The following BICDL2 variants were observed in gnomAD, a reference collection of about 807,000 sequenced individuals.
BICDL2 encodes the protein BICD family like cargo adaptor 2, also known as BICD family-like cargo adapter 2.
In BICDL2, 62 loss-of-function variants were observed where a neutral mutation model predicts 56.6. That is an observed-to-expected ratio of 1.10 (90% CI 0.89 to 1.35). The LOEUF (loss-of-function observed/expected upper bound fraction) is 1.35, where lower values mean the gene tolerates loss of function less well. BICDL2 is among the 40% of genes most tolerant of loss of function. BICDL2 has a pLI of 0.00. For synonymous variants in BICDL2, 358 were observed against 319.8 expected (o/e 1.12, Z -1.27); for missense variants, 808 against 684.5 (o/e 1.18, Z -2.01).
In BICDL2 at chr16:3,027,709, CTTTTT is replaced by C. The variant is rs56382043; in HGVS notation, c.*392_*396del. On this transcript the variant is annotated 3_prime_UTR_variant, in exon 10 of 10. Transcript: ENST00000572449. ...AGGGTTTTAGAGTGTTTTTCATTTT[CTTTTT>C]TTTTTTTTTTTTACAATAAAGTTTC... 552 of 1,348,906 alleles carry C rather than the reference CTTTTT, an allele frequency of 4.1e-4. No homozygotes were observed. The highest frequency in any genetic ancestry group is 7.4e-4 in the Admixed American group (29 of 39,400). 83.6% of individuals were successfully genotyped at this position (1,348,906 alleles called of 1,614,324 possible). A position where few individuals can be genotyped will look rare whatever the true frequency, so the allele number is the denominator to read the frequency against.
intron 2 of BICDL2, chr16:3,032,246 C>T (rs1183504827): frequency 6.6e-6 from 1 of 152,284 alleles, no homozygotes; most frequent in Non-Finnish European, 1.5e-5. Context: ...CACACAATAA[C>T]TTCACAAAGC....
At position 3,029,539 on chromosome 16, in the gene BICDL2, G is replaced by T; in HGVS notation, c.957+6C>A. 1 of 1,553,164 alleles carries T rather than the reference G, an allele frequency of 6.4e-7. No homozygotes were observed. On this transcript the variant is annotated splice_donor_region_variant and intron_variant, in intron 6 of 9. Transcript: ENST00000572449. ...AGGTAAGGGGGCTGGGGCCCCACGA[G>T]CTCACCGGGGTGTCTCCGGGTGCGT...
chr16:3,033,779 C>A (rs1955688925), intron 2 of BICDL2, among the ~76,000 whole-genome samples: 1 of 145,220 alleles, frequency 6.9e-6, no homozygotes, highest in Non-Finnish European at 1.5e-5. Flanking sequence ...AGAGGGAGAC[C>A]CTGTCTCCAA....
In BICDL2 at chr16:3,027,777, G is replaced by T. The variant is rs1838026607; in HGVS notation, c.*329C>A. 1.8e-6 allele frequency: 2 copies of T among 1,128,858 alleles called. No homozygotes were observed. The highest frequency in any genetic ancestry group is 2.8e-5 in the Admixed American group (1 of 35,970). 69.9% of individuals were successfully genotyped at this position (1,128,858 alleles called of 1,614,324 possible). ...CATGCTCTTTCTTTCTATGAATGGG[G>T]GCCAAATCGGTGGAGTGATTTATAT... is the stretch of plus-strand genomic sequence containing the variant. On this transcript the variant is annotated 3_prime_UTR_variant, in exon 10 of 10. Transcript: ENST00000572449.
At chr16:3,028,881 T>G in intron 7 of BICDL2, 51 bp from the exon 8 acceptor site, 5 of 1,508,024 alleles carry the variant, frequency 3.3e-6, no homozygotes, top group Non-Finnish European at 4.4e-6. Flanking sequence ...TGGGCCTCCC[T>G]GCTTCTCCCA....
chr16:3,033,419 C>T (rs761962791), intron 2 of BICDL2, among the ~76,000 whole-genome samples: 10 of 152,088 alleles, frequency 6.6e-5, no homozygotes, highest in Non-Finnish European at 5.9e-5. Context: ...GCTGCAGAGC[C>T]GACCAGTGGG....
At position 3,029,266 on chromosome 16, in the gene BICDL2, GC is replaced by G. The variant is rs1357985136; in HGVS notation, c.1107+13del. 5 of 1,607,864 alleles carry G rather than the reference GC, an allele frequency of 3.1e-6. No individual in the cohort carries two copies. The highest frequency in any genetic ancestry group is 1.3e-5 in the African/African-American group (1 of 74,826). ...GGAGGGGCCGTGCATCCAGCACCGT[GC>G]CCTCTGCCCCACCTCATCTTGCAGC... On this transcript the variant is annotated intron_variant, in intron 7 of 9. Coordinates refer to ENST00000572449, the MANE Select transcript of BICDL2 (RefSeq NM_001369667.1).
Position 3,028,672 on chromosome 16 carries a change from GGGCGGTGGTCAAT to G in BICDL2, c.1238+15_1238+27del. On this transcript the variant is annotated intron_variant, in intron 8 of 9. Transcript: ENST00000572449. ...GCCCAGGAGGGCCCAGAGGGCGCTG[GGGCGGTGGTCAAT>G]GGCTTGAGGCTTACTTGTTCACGGC... 3 of 1,561,056 alleles carry G rather than the reference GGGCGGTGGTCAAT, an allele frequency of 1.9e-6. No homozygotes were observed. The highest frequency in any genetic ancestry group is 2.6e-6 in the Non-Finnish European group (3 of 1,151,724).
Position 3,035,268 on chromosome 16 carries a change from C to T in BICDL2, c.229G>A (p.Glu77Lys). The change falls in exon 2 of 10, where the codon GAG becomes AAG. Residue 77 changes from glutamate to lysine, a missense_variant. Physicochemically the swap from Glu to Lys is moderately conservative, Grantham distance 56. Coordinates refer to ENST00000572449, the MANE Select transcript of BICDL2 (RefSeq NM_001369667.1). ...AGCGTCTCCAGCTGCCGCCGCAGCT[C>T]TTCATTTCGCTCCAGAAGCATCTTG... is the stretch of plus-strand genomic sequence containing the variant. ...LGKMLLERNE[E>K]LRRQLETLSA... The T allele has an allele frequency of 6.4e-7, 1 of 1,551,168 alleles. No homozygotes were observed. Among genetic ancestry groups the T allele is most frequent in the Non-Finnish European group, 8.7e-7 (1 of 1,147,412 alleles).
Position 3,029,281 on chromosome 16 carries a change from TC to T in BICDL2, c.1105del (p.Glu369ArgfsTer43), listed in dbSNP as rs1258137897. 6.2e-7 allele frequency: 1 copy of T among 1,610,582 alleles called. No individual in the cohort carries two copies. The highest frequency in any genetic ancestry group is 1.7e-5 in the Admixed American group (1 of 59,744). On this transcript the variant is annotated frameshift_variant and splice_region_variant, in exon 7 of 10. Transcript: ENST00000572449. LOFTEE classifies it high-confidence loss of function. The part of the protein sequence containing the change: ...KEVEVAKLQD[E>X]ISLQQAELQS... ...CCAGCACCGTGCCCTCTGCCCCACCTCATCTTGCAGCTTGGCCACTTCCACC... is the reference window on the plus strand; with the variant it reads ...CCAGCACCGTGCCCTCTGCCCCACCTATCTTGCAGCTTGGCCACTTCCACC...
At chr16:3,029,965 C>T (rs1445686743) in intron 5 of BICDL2, 3 of 537,394 alleles carry the variant, frequency 5.6e-6, no homozygotes, top group Non-Finnish European at 9.7e-6. Flanking sequence ...AGAGCCCCAT[C>T]TCCTCCCCTG....
intron 8 of BICDL2, 88 bp downstream of exon 8, chr16:3,028,612 G>A (rs1440653560): frequency 3.4e-6 from 5 of 1,477,448 alleles, no homozygotes; most frequent in Middle Eastern, 1.7e-4. Context: ...TGGGAGTGGG[G>A]ATCATTATAA....
Position 3,030,436 on chromosome 16 carries a change from C to A in BICDL2, c.762+13G>T. On this transcript the variant is annotated intron_variant, in intron 5 of 9. Transcript: ENST00000572449. ...GGTCCAGGCAGTTGTAGTCCCCCAG[C>A]CCTGCAGGTCACCTCCAGGCTGTGC... 2 of 1,597,104 alleles carry A rather than the reference C, an allele frequency of 1.3e-6. No homozygotes were observed. The highest frequency in any genetic ancestry group is 1.7e-6 in the Non-Finnish European group (2 of 1,177,710).
At chr16:3,035,176 T>TTGGGCCGGGGGGGGGGGGGGGGGG in intron 2 of BICDL2, 39 bp downstream of exon 2, 2 of 136,274 alleles carry the variant, frequency 1.5e-5, no homozygotes, top group Non-Finnish European at 2.7e-5. Flanking sequence ...CGTCCTCCCC[T>TTGGGCCGGGGGGGGGGGGGGGGGG]GCCCACCCAC....
At chr16:3,035,096 C>T (rs1955711418) in intron 2 of BICDL2, 119 bp downstream of exon 2, 4 of 1,078,818 alleles carry the variant, frequency 3.7e-6, no homozygotes, top group African/African-American at 1.6e-5. Flanking sequence ...CCCCCTCGCC[C>T]GGCTGTCCTC....
At chr16:3,035,673 G>C (rs1388000069) in intron 1 of BICDL2, 147 bp from the exon 2 acceptor site, 29 of 682,290 alleles carry the variant, frequency 4.3e-5, no homozygotes, top group Non-Finnish European at 1.2e-5. Context: ...CTGTGTTTTG[G>C]CTACCCAGTT....
At position 3,031,114 on chromosome 16, in the gene BICDL2, G is replaced by A. The variant is rs1396859438; in HGVS notation, c.319C>T (p.Leu107=). 3.9e-6 allele frequency: 6 copies of A among 1,535,830 alleles called. No homozygotes were observed. Among genetic ancestry groups the A allele is most frequent in the Non-Finnish European group, 5.2e-6 (6 of 1,146,530 alleles). ...TCCCACTCGGCTCCTCGGGCTGCCAGGCCTCGCCGGAGCTCATGGTTCTCC... is the reference window on the plus strand; with the variant it reads ...TCCCACTCGGCTCCTCGGGCTGCCAAGCCTCGCCGGAGCTCATGGTTCTCC... The part of the protein sequence containing the change: ...QQENHELRRG[L]AARGAEWEAR... Residue 107 remains leucine, a synonymous_variant, in exon 3 of 10, where the codon CTG becomes TTG. Transcript: ENST00000572449.
Position 3,030,465 on chromosome 16 carries a change from C to T in BICDL2, c.746G>A (p.Arg249Gln), listed in dbSNP as rs533900482. The change falls in exon 5 of 10, where the codon CGG becomes CAG. Residue 249 changes from arginine (R) to glutamine (Q), a missense_variant. Transcript: ENST00000572449. ...EELLLLRRER[R>Q]EHSLELERAR... is the part of the protein sequence containing the mutation. Reference sequence around the variant, plus strand: ...GCAGGTCACCTCCAGGCTGTGCTCCCGCCGCTCCCGCCTCAGCAGCAGCAA... The same window carrying T: ...GCAGGTCACCTCCAGGCTGTGCTCCTGCCGCTCCCGCCTCAGCAGCAGCAA... 154 of 1,601,640 alleles carry T rather than the reference C, an allele frequency of 9.6e-5. 2 individuals are homozygous for T. In the South Asian group the frequency reaches 1.5e-3, roughly 16 times the overall value.
intron 2 of BICDL2, chr16:3,031,783 A>T: frequency 2.7e-6 from 1 of 373,500 alleles, no homozygotes; most frequent in Non-Finnish European, 4.7e-6. Context: ...ACTCGCAGGT[A>T]CCCTGCATTA....
Sources: allele counts gnomAD v4.1 joint callset (sites outside exome capture counted in the v4.1 genomes callset), GRCh38; gene constraint gnomAD v4.1.1; transcripts MANE v1.5; gene names NCBI Gene and HGNC (gene_info 2026-07-23, HGNC 2026-07-21).